The following KAZN variants were observed in gnomAD, a reference collection of about 807,000 sequenced individuals.
KAZN encodes kazrin.
KAZN carries 40 observed loss-of-function variants against 87.4 expected under a neutral mutation model. The ratio of observed to expected loss-of-function variants is 0.46; its 90% CI spans 0.36 to 0.60. The LOEUF is 0.60. Ranked by LOEUF, KAZN falls within the 20% of genes least tolerant of loss-of-function variation. The probability of loss-of-function intolerance (pLI) is 0.00; values close to 1 mark genes in which losing one functional copy is unlikely to be tolerated. For synonymous variants in KAZN, 466 were observed against 458.3 expected (o/e 1.02, Z -0.22); for missense variants, 898 against 1,073.9 (o/e 0.84, Z 2.29).
At chr1:14,093,964 A>G (rs984838184) in intron 1 of KAZN, among the ~76,000 whole-genome samples, 1 of 152,172 alleles carries the variant, frequency 6.6e-6, no homozygotes, top group East Asian at 1.9e-4. Flanking sequence ...CTTCCCAGGT[A>G]TGGGGTAGGA....
intron 1 of KAZN, among the ~76,000 whole-genome samples, chr1:14,714,285 C>G (rs1642662580): frequency 6.6e-6 from 1 of 152,100 alleles, no homozygotes; most frequent in African/African-American, 2.4e-5. Flanking sequence ...CTGATGATAC[C>G]CTCTTCGGAG....
chr1:14,002,893 G>A (rs191039913), intron 1 of KAZN, among the ~76,000 whole-genome samples: 1 of 152,090 alleles, frequency 6.6e-6, no homozygotes, highest in South Asian at 2.1e-4. Flanking sequence ...CTACTATAAA[G>A]ACACACGCAC....
intron 1 of KAZN, among the ~76,000 whole-genome samples, chr1:14,916,304 G>A (rs1413106270): frequency 4.6e-5 from 7 of 151,294 alleles, no homozygotes; most frequent in Non-Finnish European, 1.0e-4. Flanking sequence ...CGAGCAGCTG[G>A]GATTACAGGT....
intron 1 of KAZN, among the ~76,000 whole-genome samples, chr1:14,716,764 CTG>C: frequency 6.6e-6 from 1 of 152,308 alleles, no homozygotes; most frequent in South Asian, 2.1e-4. Context: ...GCTCTGCAAA[CTG>C]TGCTCTGTGA....
chr1:14,837,325 G>A (rs868805063), intron 1 of KAZN, among the ~76,000 whole-genome samples: 43 of 151,640 alleles, frequency 2.8e-4, no homozygotes, highest in Admixed American at 4.6e-4. Flanking sequence ...CAGCCTCCCC[G>A]AGTAGCTGGG....
intron 1 of KAZN, among the ~76,000 whole-genome samples, chr1:14,694,831 T>C (rs1641507441): frequency 6.6e-6 from 1 of 152,224 alleles, no homozygotes. Context: ...TTAAGAGGCA[T>C]TCGGTAATTG....
chr1:14,182,874 G>A (rs1211201074), intron 2 of KAZN, among the ~76,000 whole-genome samples: 5 of 152,054 alleles, frequency 3.3e-5, no homozygotes, highest in Non-Finnish European at 2.9e-5. Context: ...ACATCCTTTC[G>A]TTCAGTCTGC....
intron 1 of KAZN, among the ~76,000 whole-genome samples, chr1:14,690,773 G>A (rs189288814): frequency 6.6e-6 from 1 of 152,210 alleles, no homozygotes; most frequent in Admixed American, 6.5e-5. Flanking sequence ...CATTCAAGAA[G>A]ACTGACTCTG....
chr1:14,591,401 C>T (rs921839535), intron 2 of KAZN, among the ~76,000 whole-genome samples: 9 of 146,220 alleles, frequency 6.2e-5, no homozygotes, highest in Admixed American at 1.4e-4. Context: ...TGTAAGGCCC[C>T]GAACAGGGAA....
chr1:14,277,773 C>T (rs1652498969), intron 2 of KAZN, among the ~76,000 whole-genome samples: 1 of 152,048 alleles, frequency 6.6e-6, no homozygotes, highest in South Asian at 2.1e-4. Flanking sequence ...TGTCCCCTCA[C>T]ACCCGTGGCT....
In KAZN at chr1:14,193,177, G is replaced by GT. The variant is rs372732433; in HGVS notation, c.249+12586dup. The stretch of plus-strand genomic sequence containing the variant: ...TTCCGCTTCACCTTCCACCATGATT[G>GT]TAAGTTTCCTGAGGCCTCCCCAGCC... On this transcript the variant is annotated intron_variant, in intron 2 of 16. Transcript: ENST00000636203. Among the ~76,000 whole-genome samples the GT allele has an allele frequency of 2.7e-3, 405 of 152,264 alleles. 2 individuals carry two copies. Among genetic ancestry groups the GT allele is most frequent in the African/African-American group, 9.4e-3 (390 of 41,550 alleles).
At chr1:14,156,463 G>T (rs1296746149) in intron 1 of KAZN, among the ~76,000 whole-genome samples, 4 of 152,124 alleles carry the variant, frequency 2.6e-5, no homozygotes, top group South Asian at 2.1e-4. Flanking sequence ...TATTGTATTG[G>T]AGTCTATCTC....
At chr1:13,898,149 T>C (rs905057426) in intron 1 of KAZN, among the ~76,000 whole-genome samples, 1 of 152,208 alleles carries the variant, frequency 6.6e-6, no homozygotes, top group Non-Finnish European at 1.5e-5. Context: ...TCTGAGGATG[T>C]TGGGGGGACC....
chr1:14,389,395 C>A (rs1662226734), intron 2 of KAZN, among the ~76,000 whole-genome samples: 1 of 152,196 alleles, frequency 6.6e-6, no homozygotes, highest in South Asian at 2.1e-4. Context: ...AAAGTGATAT[C>A]TGCACTCCGG....
intron 1 of KAZN, among the ~76,000 whole-genome samples, chr1:14,873,211 C>T (rs1652383659): frequency 6.6e-6 from 1 of 152,142 alleles, no homozygotes; most frequent in Admixed American, 6.5e-5. Context: ...TTCCTTCTGT[C>T]ACCTGCTATG....
intron 1 of KAZN, among the ~76,000 whole-genome samples, chr1:14,927,563 G>A (rs1053046698): frequency 4.6e-5 from 7 of 152,184 alleles, no homozygotes; most frequent in African/African-American, 1.7e-4. Flanking sequence ...TGGGTGCTGA[G>A]TTTCTAAGGC....
At chr1:14,626,977 C>G (rs1363451608) in intron 1 of KAZN, among the ~76,000 whole-genome samples, 1 of 152,092 alleles carries the variant, frequency 6.6e-6, no homozygotes, top group African/African-American at 2.4e-5. Context: ...AGTCGCTTAC[C>G]AGGACACTCG....
At chr1:14,408,822 A>C (rs1664072175) in intron 2 of KAZN, among the ~76,000 whole-genome samples, 1 of 152,176 alleles carries the variant, frequency 6.6e-6, no homozygotes, top group Non-Finnish European at 1.5e-5. Flanking sequence ...CAAACCACGA[A>C]CAAGTACACA....
chr1:14,645,394 T>G (rs1680736732), intron 1 of KAZN, among the ~76,000 whole-genome samples: 1 of 152,190 alleles, frequency 6.6e-6, no homozygotes, highest in Non-Finnish European at 1.5e-5. Flanking sequence ...CTTTGGGCAG[T>G]ATGGACATTT....
Sources: allele counts gnomAD v4.1 joint callset (sites outside exome capture counted in the v4.1 genomes callset), GRCh38; gene constraint gnomAD v4.1.1; transcripts MANE v1.5; gene names NCBI Gene and HGNC (gene_info 2026-07-23, HGNC 2026-07-21).